Variants in HGD observed in about 807,000 individuals in gnomAD.
HGD encodes the protein homogentisate 1,2-dioxygenase, also known as homogentisate oxidase.
HGD carries 61 observed loss-of-function variants against 60.8 expected under a neutral mutation model. The observed-to-expected ratio is 1.00, with a 90% CI of 0.82 to 1.24. The LOEUF is 1.24. HGD is among the 50% of genes most tolerant of loss of function. The pLI, the probability that HGD is intolerant of heterozygous loss-of-function variation, is 0.00. For missense variants in HGD, 542 were observed against 547.1 expected (o/e 0.99, Z 0.09); for synonymous variants, 212 against 187.7 (o/e 1.13, Z -1.06).
intron 3 of HGD, among the ~76,000 whole-genome samples, chr3:120,673,024 A>G (rs1387300165): frequency 6.6e-6 from 1 of 152,118 alleles, no homozygotes; most frequent in Non-Finnish European, 1.5e-5. Context: ...CCTGTATGCT[A>G]TGGTTCAGAT....
chr3:120,641,805 C>A, intron 10 of HGD, 112 bp from the exon 11 acceptor site: 2 of 802,006 alleles, frequency 2.5e-6, no homozygotes, highest in South Asian at 2.8e-5. Context: ...ATTTTGTTCT[C>A]GATTTAATTT....
intron 3 of HGD, among the ~76,000 whole-genome samples, chr3:120,672,965 G>T (rs545311234): frequency 1.3e-5 from 2 of 152,128 alleles, no homozygotes; most frequent in Non-Finnish European, 2.9e-5. Context: ...TAGGTAGGTA[G>T]GTAGGTACGT....
chr3:120,629,385 A>C (rs1446169400), intron 13 of HGD, among the ~76,000 whole-genome samples: 1 of 152,228 alleles, frequency 6.6e-6, no homozygotes, highest in Admixed American at 6.5e-5. Context: ...GCTACAACCC[A>C]AAGCACCCAC....
chr3:120,660,350 A>G (rs1300298856), intron 4 of HGD, among the ~76,000 whole-genome samples: 1 of 152,212 alleles, frequency 6.6e-6, no homozygotes, highest in Non-Finnish European at 1.5e-5. Context: ...GAAAGATAGG[A>G]AGGATTAAAA....
intron 13 of HGD, among the ~76,000 whole-genome samples, chr3:120,630,798 TTATATA>T (rs61375071): frequency 0.11 from 9,953 of 87,910 alleles, 654 homozygotes; most frequent in Middle Eastern, 0.2. Context: ...CTTAAGAGCT[TTATATA>T]TATATATATA....
At chr3:120,656,065 C>T (rs763120464) in intron 4 of HGD, among the ~76,000 whole-genome samples, 9 of 152,114 alleles carry the variant, frequency 5.9e-5, no homozygotes, top group Admixed American at 2.6e-4. Flanking sequence ...AAATGTGGGG[C>T]CCTAATCTGA....
chr3:120,676,779 T>C (rs973671651), intron 1 of HGD, among the ~76,000 whole-genome samples: 3 of 152,152 alleles, frequency 2.0e-5, no homozygotes, highest in Admixed American at 6.5e-5. Flanking sequence ...GCAAGCGAAA[T>C]GTAACCATCT....
chr3:120,642,429 G>T (rs539872558), intron 10 of HGD, among the ~76,000 whole-genome samples: 1 of 152,304 alleles, frequency 6.6e-6, no homozygotes, highest in East Asian at 1.9e-4. Context: ...GGAATGAGGA[G>T]GGAAATATTG....
intron 1 of HGD, among the ~76,000 whole-genome samples, chr3:120,681,472 C>T (rs1708229023): frequency 6.6e-6 from 1 of 152,184 alleles, no homozygotes; most frequent in Admixed American, 6.5e-5. Context: ...TGACCTTGGG[C>T]AAATCATAGT....
chr3:120,661,672 AGCGCCAATATCTTT>A (rs2107534589), intron 4 of HGD, among the ~76,000 whole-genome samples: 1 of 152,378 alleles, frequency 6.6e-6, no homozygotes, highest in South Asian at 2.1e-4. Flanking sequence ...GTTTGCAGAC[AGCGCCAATATCTTT>A]GCAAGAAGTG....
rs120074173 is a variant in HGD at position 120,633,233 on chromosome 3, T to C, written c.1102A>G (p.Met368Val). The C allele has an allele frequency of 2.1e-4, 338 of 1,614,126 alleles. No individual in the cohort carries two copies. Among genetic ancestry groups the C allele is most frequent in the Non-Finnish European group, 2.6e-4 (310 of 1,180,008 alleles). Residue 368 changes from methionine to valine, a missense_variant, in exon 13 of 14, where the codon ATG (methionine) becomes GTG (valine). By Grantham distance (21) the Met-to-Val change is conservative. Transcript: ENST00000283871. ...LPGGGSLHSTMTPHGPDADCF... is the reference protein window; with the variant it reads ...LPGGGSLHSTVTPHGPDADCF... ...TCAGCATCAGGTCCATGGGGGGTCATTGTGCTGTGTAGACTCCCTCCCCCT... is the reference window on the plus strand; with the variant it reads ...TCAGCATCAGGTCCATGGGGGGTCACTGTGCTGTGTAGACTCCCTCCCCCT...
At chr3:120,639,445 CT>C (rs1265718627) in intron 11 of HGD, among the ~76,000 whole-genome samples, 2 of 152,182 alleles carry the variant, frequency 1.3e-5, no homozygotes, top group African/African-American at 4.8e-5. Flanking sequence ...ACTCATATGA[CT>C]TTTTCCTCTT....
At position 120,628,517 on chromosome 3, in the gene HGD, C is replaced by T; in HGVS notation, c.1201G>A (p.Glu401Lys). ...GTGACCGCCAGACTTAAAGATGATT[C>T]AAACATAAATGCCTGGAGGAAGTGA... ...IADGTMAFMF[E>K]SSLSLAVTKW... Residue 401 changes from glutamate to lysine, a missense_variant, in exon 14 of 14, where the codon GAA (glutamate) becomes AAA (lysine). Glu to Lys is a moderately conservative substitution (Grantham distance 56). Transcript: ENST00000283871. 1 of 1,613,944 alleles carries T rather than the reference C, an allele frequency of 6.2e-7. No individual in the cohort carries two copies. The highest frequency in any genetic ancestry group is 1.1e-5 in the South Asian group (1 of 91,062).
chr3:120,675,024 C>T (rs376045170), intron 2 of HGD, 35 bp from the exon 3 acceptor site: 47 of 1,465,278 alleles, frequency 3.2e-5, no homozygotes, highest in Non-Finnish European at 4.1e-5. Flanking sequence ...ATATTACTCC[C>T]ATCCGAAAAG....
At chr3:120,635,928 A>G (rs113070309) in intron 12 of HGD, among the ~76,000 whole-genome samples, 2 of 152,196 alleles carry the variant, frequency 1.3e-5, no homozygotes, top group African/African-American at 4.8e-5. Context: ...TTTCTCAACA[A>G]GCAGTCTGTA....
chr3:120,647,790 A>C, intron 7 of HGD, 87 bp downstream of exon 7: 1 of 1,049,732 alleles, frequency 9.5e-7, no homozygotes, highest in Non-Finnish European at 1.5e-6. Context: ...TTGGAGAATG[A>C]AGGAAAATAA....
intron 1 of HGD, among the ~76,000 whole-genome samples, chr3:120,681,405 G>A (rs1708227847): frequency 6.6e-6 from 1 of 152,120 alleles, no homozygotes; most frequent in African/African-American, 2.4e-5. Flanking sequence ...GCCCCTTTTT[G>A]AGCCTGGACT....
intron 4 of HGD, among the ~76,000 whole-genome samples, chr3:120,665,773 C>A (rs1707885796): frequency 6.6e-6 from 1 of 152,206 alleles, no homozygotes; most frequent in Admixed American, 6.5e-5. Context: ...ATCAGGCAGT[C>A]CTCAGGTCTT....
At chr3:120,652,219 T>A (rs975595169) in intron 5 of HGD, among the ~76,000 whole-genome samples, 1 of 152,058 alleles carries the variant, frequency 6.6e-6, no homozygotes, top group African/African-American at 2.4e-5. Context: ...ATCATTAGCT[T>A]CTTTGTAATT....
Sources: gnomAD v4.1 joint callset for allele counts (sites outside exome capture counted in the v4.1 genomes callset) on GRCh38, gnomAD v4.1.1 for gene constraint, MANE v1.5 for transcripts, NCBI Gene and HGNC (gene_info 2026-07-23, HGNC 2026-07-21) for gene names.